The following CDH20 variants were observed in gnomAD, a reference collection of about 807,000 sequenced individuals.
The protein encoded by CDH20 is cadherin-20.
Under a neutral mutation model 74.2 loss-of-function variants are expected in CDH20, and 29 were observed. The ratio of observed to expected loss-of-function variants is 0.39; its 90% CI spans 0.29 to 0.53. CDH20 has a LOEUF of 0.53. Ranked by LOEUF, CDH20 falls within the 20% of genes least tolerant of loss-of-function variation. The probability of loss-of-function intolerance (pLI) is 0.69; values close to 1 mark genes in which losing one functional copy is unlikely to be tolerated. For synonymous variants in CDH20, 469 were observed against 405.4 expected, an observed-to-expected ratio of 1.16 and a Z score of -1.88; for missense variants, 988 against 1,048.3, an observed-to-expected ratio of 0.94 and a Z score of 0.79.
At chr18:61,354,894 T>C (rs1017161619) in intron 1 of CDH20, among the ~76,000 whole-genome samples, 1 of 152,226 alleles carries the variant, frequency 6.6e-6, no homozygotes, top group Non-Finnish European at 1.5e-5. Flanking sequence ...AAACATGTTG[T>C]CCATAAATAG....
chr18:61,381,080 A>G (rs900822669), intron 1 of CDH20, among the ~76,000 whole-genome samples: 3 of 152,200 alleles, frequency 2.0e-5, no homozygotes, highest in African/African-American at 7.2e-5. Flanking sequence ...TGTTTCTCAT[A>G]TTAAAGAAGC....
At chr18:61,388,418 A>G (rs1376695955) in intron 1 of CDH20, among the ~76,000 whole-genome samples, 1 of 152,132 alleles carries the variant, frequency 6.6e-6, no homozygotes, top group Non-Finnish European at 1.5e-5. Flanking sequence ...TTGGGTTAAA[A>G]CTGATTTCTT....
chr18:61,418,345 G>A (rs749369312), intron 1 of CDH20, among the ~76,000 whole-genome samples: 7 of 152,022 alleles, frequency 4.6e-5, no homozygotes, highest in Non-Finnish European at 1.0e-4. Context: ...ACAAGGTCAG[G>A]AGATCGAGAC....
chr18:61,553,332 G>C (rs544900438), intron 11 of CDH20, among the ~76,000 whole-genome samples: 61 of 151,990 alleles, frequency 4.0e-4, no homozygotes, highest in Non-Finnish European at 8.5e-4. Flanking sequence ...CGTTTTCAGA[G>C]AGATAAATAG....
intron 1 of CDH20, among the ~76,000 whole-genome samples, chr18:61,395,328 T>C (rs906311657): frequency 6.6e-6 from 1 of 152,198 alleles, no homozygotes; most frequent in Non-Finnish European, 1.5e-5. Context: ...AACAATAATA[T>C]ATAAAATTCA....
intron 1 of CDH20, among the ~76,000 whole-genome samples, chr18:61,475,871 G>A (rs1910362181): frequency 6.6e-6 from 1 of 152,150 alleles, no homozygotes; most frequent in South Asian, 2.1e-4. Context: ...AATTAGACCA[G>A]TCTGACTAAA....
chr18:61,531,924 GA>G (rs1912659040), intron 7 of CDH20, among the ~76,000 whole-genome samples: 1 of 152,128 alleles, frequency 6.6e-6, no homozygotes, highest in Non-Finnish European at 1.5e-5. Flanking sequence ...GCTGAACTGT[GA>G]GTCAAACAAA....
chr18:61,344,203 T>C (rs1407721121), intron 1 of CDH20, among the ~76,000 whole-genome samples: 1 of 152,300 alleles, frequency 6.6e-6, no homozygotes, highest in Non-Finnish European at 1.5e-5. Flanking sequence ...TCCTACCACA[T>C]GCCATATAAA....
intron 1 of CDH20, among the ~76,000 whole-genome samples, chr18:61,364,221 C>T (rs918152237): frequency 3.3e-5 from 5 of 152,194 alleles, no homozygotes; most frequent in Admixed American, 2.6e-4. Flanking sequence ...GGGGGTGGGG[C>T]CTAATGGGAG....
chr18:61,547,221 G>A (rs1299629465), intron 10 of CDH20, among the ~76,000 whole-genome samples: 2 of 152,000 alleles, frequency 1.3e-5, no homozygotes, highest in African/African-American at 4.8e-5. Flanking sequence ...CCAGCTACTT[G>A]GGAGGCTAAG....
intron 11 of CDH20, among the ~76,000 whole-genome samples, chr18:61,551,234 T>C (rs1395928465): frequency 6.6e-6 from 1 of 152,206 alleles, no homozygotes; most frequent in African/African-American, 2.4e-5. Flanking sequence ...TGTACATATA[T>C]CCTTGCTCTT....
At chr18:61,420,553 T>C (rs1432674129) in intron 1 of CDH20, among the ~76,000 whole-genome samples, 1 of 152,172 alleles carries the variant, frequency 6.6e-6, no homozygotes, top group Non-Finnish European at 1.5e-5. Context: ...GGAATTGATA[T>C]TAGTTTTCAT....
At chr18:61,544,780 A>G (rs1482131080) in intron 9 of CDH20, among the ~76,000 whole-genome samples, 1 of 152,058 alleles carries the variant, frequency 6.6e-6, no homozygotes, top group Non-Finnish European at 1.5e-5. Context: ...GGAAAATGCA[A>G]CATTTGGGCC....
At chr18:61,481,453 G>A (rs534592781) in intron 1 of CDH20, among the ~76,000 whole-genome samples, 9 of 152,268 alleles carry the variant, frequency 5.9e-5, no homozygotes, top group Non-Finnish European at 1.0e-4. Context: ...CTTAAACCGC[G>A]ATGTCCTGAT....
At chr18:61,547,927 A>G (rs2144408700) in intron 10 of CDH20, among the ~76,000 whole-genome samples, 1 of 152,372 alleles carries the variant, frequency 6.6e-6, no homozygotes, top group African/African-American at 2.4e-5. Flanking sequence ...AGAAACATAT[A>G]TATCGTAGGT....
In CDH20 at chr18:61,402,005, T is replaced by G. The variant is rs570470132; in HGVS notation, c.-153+68178T>G. ...TTTATCAAATATAATTGAGGGAATA[T>G]TGACCAAAGGTTGGTTTGTCTAAGG... is the stretch of plus-strand genomic sequence containing the variant. On this transcript the variant is annotated intron_variant, in intron 1 of 11. Coordinates refer to ENST00000262717, the MANE Select transcript of CDH20 (RefSeq NM_031891.4). Among the ~76,000 whole-genome samples the G allele has an allele frequency of 2.6e-5, 4 of 152,310 alleles. No homozygotes were observed. In the South Asian group the frequency reaches 8.3e-4, roughly 32 times the overall value.
chr18:61,375,284 GCT>G (rs1019871956), intron 1 of CDH20, among the ~76,000 whole-genome samples: 24 of 152,274 alleles, frequency 1.6e-4, no homozygotes, highest in African/African-American at 5.3e-4. Context: ...GTGTTTAAAA[GCT>G]CTAACTTTGT....
intron 1 of CDH20, among the ~76,000 whole-genome samples, chr18:61,350,631 A>G (rs1316686655): frequency 6.6e-6 from 1 of 152,196 alleles, no homozygotes; most frequent in Non-Finnish European, 1.5e-5. Flanking sequence ...TAGTTACTCT[A>G]AGAAAAACAC....
At chr18:61,538,428 A>G (rs2144390404) in intron 8 of CDH20, among the ~76,000 whole-genome samples, 1 of 152,006 alleles carries the variant, frequency 6.6e-6, no homozygotes, top group Middle Eastern at 3.4e-3. Flanking sequence ...TGCTGATAGC[A>G]AAGGTTCACC....
Sources: allele counts gnomAD v4.1 joint callset (sites outside exome capture counted in the v4.1 genomes callset), GRCh38; gene constraint gnomAD v4.1.1; transcripts MANE v1.5; gene names NCBI Gene and HGNC (gene_info 2026-07-23, HGNC 2026-07-21).